The following PLCL1 variants were observed in gnomAD, a reference collection of about 807,000 sequenced individuals.
PLCL1 encodes the protein phospholipase C like 1 (inactive).
Under a neutral mutation model 84.4 loss-of-function variants are expected in PLCL1, and 41 were observed. That is an observed-to-expected ratio of 0.49 (90% CI 0.38 to 0.63). The LOEUF (loss-of-function observed/expected upper bound fraction) is 0.63. Among genes scored for constraint, PLCL1 ranks in the 30% least tolerant of loss-of-function variants. The probability of loss-of-function intolerance (pLI) is 0.00; values close to 1 mark genes in which losing one functional copy is unlikely to be tolerated. For synonymous variants in PLCL1, 490 were observed against 488.3 expected (o/e 1.00, Z -0.05); for missense variants, 1,206 against 1,367.8 (o/e 0.88, Z 1.87).
chr2:198,027,057 G>A (rs977558022), intron 1 of PLCL1, among the ~76,000 whole-genome samples: 2 of 152,100 alleles, frequency 1.3e-5, no homozygotes, highest in African/African-American at 4.8e-5. Context: ...AGATATAGCT[G>A]CACTCCCACG....
At chr2:198,093,955 TATAAATAA>T (rs949401505) in intron 3 of PLCL1, among the ~76,000 whole-genome samples, 1 of 152,098 alleles carries the variant, frequency 6.6e-6, no homozygotes. Context: ...TATTACCCAC[TATAAATAA>T]ATAAATAAAT....
intron 1 of PLCL1, among the ~76,000 whole-genome samples, chr2:197,860,558 A>G (rs751251138): frequency 6.6e-5 from 10 of 152,040 alleles, no homozygotes; most frequent in Non-Finnish European, 1.3e-4. Flanking sequence ...TGACTTTTTA[A>G]TAATAGCCAT....
chr2:198,112,028 C>T (rs905681429), intron 5 of PLCL1, among the ~76,000 whole-genome samples: 18 of 151,864 alleles, frequency 1.2e-4, no homozygotes, highest in African/African-American at 4.1e-4. Flanking sequence ...AATTTATTTA[C>T]AACACTATAT....
chr2:198,141,104 A>G (rs1039937141), intron 5 of PLCL1, among the ~76,000 whole-genome samples: 6 of 152,190 alleles, frequency 3.9e-5, no homozygotes, highest in African/African-American at 1.2e-4. Flanking sequence ...AGCTTCATTC[A>G]GCCAAGACTG....
rs564153961 is a variant in PLCL1 at position 197,978,631 on chromosome 2, G to A, written c.241-105127G>A. On this transcript the variant is annotated intron_variant, in intron 1 of 5. Coordinates refer to ENST00000428675, the MANE Select transcript of PLCL1 (RefSeq NM_006226.4). ...GTAAGCTATACATACATTTAAGAAA[G>A]ATGAATAAAAACAAGTAAGATAATT... Among the ~76,000 whole-genome samples the A allele has an allele frequency of 5.3e-5, 8 of 152,322 alleles. No homozygotes were observed. In the East Asian group the frequency reaches 1.2e-3, roughly 22 times the overall value.
intron 5 of PLCL1, among the ~76,000 whole-genome samples, chr2:198,129,751 A>G (rs960082159): frequency 6.6e-6 from 1 of 151,914 alleles, no homozygotes. Flanking sequence ...TCCTCTTTCT[A>G]TCTCCTCGCC....
intron 5 of PLCL1, among the ~76,000 whole-genome samples, chr2:198,129,063 T>A (rs1179203217): frequency 6.6e-6 from 1 of 152,164 alleles, no homozygotes; most frequent in East Asian, 1.9e-4. Flanking sequence ...CAGTATAGCA[T>A]CACATGACAG....
At chr2:197,995,448 T>C (rs1187640172) in intron 1 of PLCL1, among the ~76,000 whole-genome samples, 1 of 151,920 alleles carries the variant, frequency 6.6e-6, no homozygotes, top group Non-Finnish European at 1.5e-5. Context: ...AACAAGTAAA[T>C]AAAAACTGCC....
intron 1 of PLCL1, among the ~76,000 whole-genome samples, chr2:197,851,183 C>T (rs1313772032): frequency 1.3e-5 from 2 of 152,178 alleles, no homozygotes; most frequent in Non-Finnish European, 2.9e-5. Flanking sequence ...TCACATACCT[C>T]CAGGAAATAA....
At chr2:198,074,262 T>A (rs1228340802) in intron 1 of PLCL1, among the ~76,000 whole-genome samples, 1 of 152,184 alleles carries the variant, frequency 6.6e-6, no homozygotes, top group African/African-American at 2.4e-5. Context: ...GCTAATTATG[T>A]CTCTTATTTC....
intron 1 of PLCL1, among the ~76,000 whole-genome samples, chr2:197,876,477 A>G (rs1204924190): frequency 1.3e-5 from 2 of 152,118 alleles, no homozygotes; most frequent in Non-Finnish European, 2.9e-5. Flanking sequence ...GAAACTTTGT[A>G]TTCTTAGAGA....
At chr2:197,882,955 T>C (rs907545288) in intron 1 of PLCL1, among the ~76,000 whole-genome samples, 3 of 152,222 alleles carry the variant, frequency 2.0e-5, no homozygotes, top group Non-Finnish European at 4.4e-5. Context: ...AGAGATTATA[T>C]GTTGCACTAT....
In PLCL1 at chr2:197,833,560, G is replaced by C. The variant is rs182327133; in HGVS notation, c.240+28221G>C. On this transcript the variant is annotated intron_variant, in intron 1 of 5. Transcript: ENST00000428675. Reference sequence around the variant, plus strand: ...AGACAAACAGAGAGCCAAATCATGAGTGAACTCCCATTCACAACTGCTACA... The same window carrying C: ...AGACAAACAGAGAGCCAAATCATGACTGAACTCCCATTCACAACTGCTACA... Among the ~76,000 whole-genome samples the C allele has an allele frequency of 3.5e-3, 532 of 152,222 alleles. 1 individual carries two copies. Among genetic ancestry groups the C allele is most frequent in the Non-Finnish European group, 5.9e-3 (399 of 68,022 alleles).
chr2:198,111,983 C>T (rs1693635163), intron 5 of PLCL1, among the ~76,000 whole-genome samples: 1 of 151,832 alleles, frequency 6.6e-6, no homozygotes, highest in Non-Finnish European at 1.5e-5. Flanking sequence ...GTGGTTAGTG[C>T]AGAAAGCTAC....
intron 1 of PLCL1, among the ~76,000 whole-genome samples, chr2:197,829,874 C>T (rs988816732): frequency 1.3e-5 from 2 of 152,058 alleles, no homozygotes; most frequent in African/African-American, 4.8e-5. Context: ...TATGACTTAG[C>T]CCTCATTAAT....
At chr2:198,027,049 A>G (rs1449962542) in intron 1 of PLCL1, among the ~76,000 whole-genome samples, 1 of 152,192 alleles carries the variant, frequency 6.6e-6, no homozygotes, top group Non-Finnish European at 1.5e-5. Flanking sequence ...TGTTGAAAAG[A>G]TATAGCTGCA....
chr2:197,986,277 G>A (rs1390577114), intron 1 of PLCL1, among the ~76,000 whole-genome samples: 1 of 152,170 alleles, frequency 6.6e-6, no homozygotes, highest in African/African-American at 2.4e-5. Context: ...TGCCAGAGTA[G>A]GCAAAACTAG....
intron 1 of PLCL1, among the ~76,000 whole-genome samples, chr2:197,896,373 C>T (rs1265908414): frequency 6.6e-6 from 1 of 151,890 alleles, no homozygotes; most frequent in East Asian, 1.9e-4. Flanking sequence ...AAAGAGCATC[C>T]TAGAGCAAAG....
chr2:198,109,269 G>T (rs1268964895), intron 5 of PLCL1, among the ~76,000 whole-genome samples: 2 of 151,714 alleles, frequency 1.3e-5, no homozygotes, highest in South Asian at 2.1e-4. Context: ...CTCCTCAAAT[G>T]GCTGAAGGGA....
Sources: allele counts gnomAD v4.1 joint callset (sites outside exome capture counted in the v4.1 genomes callset), GRCh38; gene constraint gnomAD v4.1.1; transcripts MANE v1.5; gene names NCBI Gene and HGNC (gene_info 2026-07-23, HGNC 2026-07-21).